Variants in GPC6 observed in about 807,000 individuals in gnomAD.
GPC6 encodes the protein glypican 6, also known as glypican-6.
A neutral mutation model predicts 55.2 loss-of-function variants in GPC6; 14 were observed. The ratio of observed to expected loss-of-function variants is 0.25; its 90% CI spans 0.17 to 0.40. The LOEUF is 0.40. GPC6 is among the 10% of genes least tolerant of loss of function. The probability of loss-of-function intolerance (pLI) is 1.00; values close to 1 mark genes in which losing one functional copy is unlikely to be tolerated. For synonymous variants in GPC6, 278 were observed against 259.6 expected (o/e 1.07, Z -0.68); for missense variants, 641 against 708.5 (o/e 0.90, Z 1.08).
chr13:94,105,828 C>T (rs961046064), intron 4 of GPC6, among the ~76,000 whole-genome samples: 9 of 152,154 alleles, frequency 5.9e-5, no homozygotes, highest in Non-Finnish European at 1.2e-4. Flanking sequence ...TCAGCAATGT[C>T]TGGAAACAGA....
intron 6 of GPC6, among the ~76,000 whole-genome samples, chr13:94,381,518 C>T (rs1471989886): frequency 6.6e-6 from 1 of 152,090 alleles, no homozygotes; most frequent in Non-Finnish European, 1.5e-5. Flanking sequence ...GAGTGAGGGC[C>T]CACCCACATG....
At chr13:94,380,390 G>A (rs1423159984) in intron 6 of GPC6, among the ~76,000 whole-genome samples, 1 of 151,918 alleles carries the variant, frequency 6.6e-6, no homozygotes, top group Non-Finnish European at 1.5e-5. Flanking sequence ...ACACTACGTA[G>A]AACAAATAAA....
At chr13:93,858,433 A>T (rs866534687) in intron 3 of GPC6, among the ~76,000 whole-genome samples, 39 of 151,612 alleles carry the variant, frequency 2.6e-4, no homozygotes, top group African/African-American at 9.2e-4. Flanking sequence ...ACAAGTAGAA[A>T]ATTTGAAACT....
At chr13:94,304,591 A>G (rs966362802) in intron 5 of GPC6, among the ~76,000 whole-genome samples, 1 of 152,240 alleles carries the variant, frequency 6.6e-6, no homozygotes, top group Non-Finnish European at 1.5e-5. Context: ...TGGAAGAAAT[A>G]GAATAAAGTT....
At chr13:94,124,426 C>T (rs2138857460) in intron 4 of GPC6, among the ~76,000 whole-genome samples, 1 of 152,196 alleles carries the variant, frequency 6.6e-6, no homozygotes, top group Admixed American at 6.6e-5. Flanking sequence ...TTCCTGCCTT[C>T]AGTGAACTCA....
At chr13:94,168,241 A>G (rs536289037) in intron 4 of GPC6, among the ~76,000 whole-genome samples, 16 of 152,100 alleles carry the variant, frequency 1.1e-4, no homozygotes, top group Non-Finnish European at 2.1e-4. Context: ...CTATAAACAT[A>G]TATTGTGCCC....
intron 4 of GPC6, among the ~76,000 whole-genome samples, chr13:94,168,090 T>C (rs1888428214): frequency 6.6e-6 from 1 of 152,216 alleles, no homozygotes; most frequent in South Asian, 2.1e-4. Context: ...TCATCACTGG[T>C]TGTCATAGGA....
chr13:94,372,666 T>G (rs1188720070), intron 6 of GPC6, among the ~76,000 whole-genome samples: 1 of 152,166 alleles, frequency 6.6e-6, no homozygotes, highest in Non-Finnish European at 1.5e-5. Context: ...CAGGCTTGAT[T>G]AGGTAAACAA....
chr13:93,534,978 G>A (rs969573340), intron 1 of GPC6, among the ~76,000 whole-genome samples: 5 of 152,098 alleles, frequency 3.3e-5, no homozygotes, highest in Non-Finnish European at 5.9e-5. Context: ...GTCTGCTTTT[G>A]TATGACATGA....
intron 3 of GPC6, among the ~76,000 whole-genome samples, chr13:93,989,106 T>A (rs1036338315): frequency 2.6e-5 from 4 of 152,314 alleles, no homozygotes; most frequent in Middle Eastern, 3.4e-3. Flanking sequence ...CAATGCTGGA[T>A]ATTTGTAATT....
chr13:94,354,719 G>A (rs181011687), intron 6 of GPC6, among the ~76,000 whole-genome samples: 4 of 152,326 alleles, frequency 2.6e-5, no homozygotes, highest in African/African-American at 9.6e-5. Context: ...AAGATGAATT[G>A]GCATTATCTG....
At chr13:93,968,477 T>C (rs1447353264) in intron 3 of GPC6, among the ~76,000 whole-genome samples, 1 of 152,138 alleles carries the variant, frequency 6.6e-6, no homozygotes, top group East Asian at 1.9e-4. Context: ...ATTTTTTTCT[T>C]TAATGGAATG....
At chr13:94,380,679 T>C (rs927388267) in intron 6 of GPC6, among the ~76,000 whole-genome samples, 2 of 152,224 alleles carry the variant, frequency 1.3e-5, no homozygotes. Flanking sequence ...TATTCTCCTG[T>C]GTTACCACAG....
chr13:93,350,381 C>T (rs1295072845), intron 1 of GPC6, among the ~76,000 whole-genome samples: 1 of 152,064 alleles, frequency 6.6e-6, no homozygotes, highest in Non-Finnish European at 1.5e-5. Context: ...TTGCAGTGAG[C>T]CAAGATCATG....
chr13:93,939,500 A>G (rs1878615467), intron 3 of GPC6, among the ~76,000 whole-genome samples: 1 of 151,970 alleles, frequency 6.6e-6, no homozygotes, highest in African/African-American at 2.4e-5. Context: ...TTGCATTTAT[A>G]TAGGAGAAGA....
At chr13:93,322,465 T>C (rs528020874) in intron 1 of GPC6, among the ~76,000 whole-genome samples, 6 of 143,786 alleles carry the variant, frequency 4.2e-5, no homozygotes, top group Non-Finnish European at 9.0e-5. Context: ...AGATGGAGTT[T>C]CGCTCTTGTT....
intron 3 of GPC6, among the ~76,000 whole-genome samples, chr13:93,924,177 C>T (rs191424253): frequency 2.6e-5 from 4 of 151,658 alleles, no homozygotes; most frequent in Admixed American, 2.0e-4. Context: ...ATTCATACAC[C>T]CTCTTTATTA....
chr13:93,558,962 G>A (rs1219035342), intron 2 of GPC6, among the ~76,000 whole-genome samples: 2 of 152,144 alleles, frequency 1.3e-5, no homozygotes, highest in South Asian at 2.1e-4. Flanking sequence ...CTATGTATGA[G>A]AATTTTTATA....
At chr13:94,279,863 T>A (rs1403931635) in intron 4 of GPC6, among the ~76,000 whole-genome samples, 1 of 152,176 alleles carries the variant, frequency 6.6e-6, no homozygotes, top group African/African-American at 2.4e-5. Flanking sequence ...TTACTTCCAA[T>A]TATGTGATCA....
Sources: allele counts gnomAD v4.1 joint callset (sites outside exome capture counted in the v4.1 genomes callset), GRCh38; gene constraint gnomAD v4.1.1; transcripts MANE v1.5; gene names NCBI Gene and HGNC (gene_info 2026-07-23, HGNC 2026-07-21).